TMEM184C: variants seen among roughly 807,000 people sequenced by gnomAD.
TMEM184C encodes the protein transmembrane protein 184C.
A neutral mutation model predicts 54.5 loss-of-function variants in TMEM184C; 25 were observed. That is an observed-to-expected ratio of 0.46 (90% CI 0.33 to 0.64). The LOEUF is 0.64. Ranked by LOEUF, TMEM184C falls within the 30% of genes least tolerant of loss-of-function variation. The pLI is 0.02. For synonymous variants in TMEM184C, 148 were observed against 181.5 expected, an observed-to-expected ratio of 0.82 and a Z score of 1.49; for missense variants, 335 against 520.3, an observed-to-expected ratio of 0.64 and a Z score of 3.46.
In TMEM184C at chr4:147,635,518, T is replaced by G. The variant is rs1342967032; in HGVS notation, c.*1084T>G. ...CTGGGTCATGTTTGACATTTTATAATGAAAATAAAACAGAAAGTGCCATAG... is the reference window on the plus strand; with the variant it reads ...CTGGGTCATGTTTGACATTTTATAAGGAAAATAAAACAGAAAGTGCCATAG... On this transcript the variant is annotated 3_prime_UTR_variant, in exon 10 of 10. Transcript: ENST00000296582. 1 of 152,112 alleles carries G rather than the reference T, an allele frequency of 6.6e-6. No homozygotes were observed. The highest frequency in any genetic ancestry group is 2.4e-5 in the African/African-American group (1 of 41,426). 9.4% of individuals were successfully genotyped at this position (152,112 alleles called of 1,614,324 possible). A position where few individuals can be genotyped will look rare whatever the true frequency, so the allele number is the denominator to read the frequency against.
chr4:147,618,189 TG>T lies in TMEM184C; in HGVS notation c.123+111del. The T allele has an allele frequency of 2.7e-6, 4 of 1,482,792 alleles. No individual in the cohort carries two copies. The South Asian group carries it at 4.7e-5, about 17-fold the overall frequency. 91.9% of individuals were successfully genotyped at this position (1,482,792 alleles called of 1,614,324 possible). A position where few individuals can be genotyped will look rare whatever the true frequency, so the allele number is the denominator to read the frequency against. ...CCTGACAGTCCTGAAAACCATCTAATGTAAACGAGCCTACTCTTAGGATATA... is the reference window on the plus strand; with the variant it reads ...CCTGACAGTCCTGAAAACCATCTAATTAAACGAGCCTACTCTTAGGATATA... On this transcript the variant is annotated intron_variant, in intron 1 of 9. Transcript: ENST00000296582.
Position 147,629,626 on chromosome 4 carries a change from C to T in TMEM184C, c.600C>T (p.Asp200=), listed in dbSNP as rs767218980. The change falls in exon 6 of 10, where the codon GAC becomes GAT. Residue 200 remains aspartate, a synonymous_variant. Transcript: ENST00000296582. ...ALICELLGIY[D]EGNFSFSNAW... is the part of the protein sequence containing the mutation. ...TCTGTGAGCTGCTTGGTATATATGACGAAGGGAACTTTAGCTTTTCAAATG... is the reference window on the plus strand; with the variant it reads ...TCTGTGAGCTGCTTGGTATATATGATGAAGGGAACTTTAGCTTTTCAAATG... The T allele has an allele frequency of 2.5e-5, 40 of 1,592,116 alleles. No individual in the cohort carries two copies. Among genetic ancestry groups the T allele is most frequent in the South Asian group, 3.5e-5 (3 of 86,090 alleles).
At chr4:147,631,700 G>A (rs1016377043) in intron 7 of TMEM184C, among the ~76,000 whole-genome samples, 195 bp downstream of exon 7, 2 of 152,070 alleles carry the variant, frequency 1.3e-5, no homozygotes, top group African/African-American at 2.4e-5. Context: ...ACATTTATAT[G>A]AAGAAAATAG....
chr4:147,628,501 G>A, intron 5 of TMEM184C, 66 bp downstream of exon 5: 1 of 1,314,488 alleles, frequency 7.6e-7, no homozygotes, highest in Non-Finnish European at 1.1e-6. Flanking sequence ...GAACAACTAA[G>A]TAGAAAACAT....
chr4:147,634,001 G>T, intron 9 of TMEM184C, 65 bp downstream of exon 9: 2 of 1,550,748 alleles, frequency 1.3e-6, no homozygotes, highest in Non-Finnish European at 1.7e-6. Context: ...TCCTACTAGG[G>T]CAATTTATTA....
At chr4:147,620,106 A>G (rs1362885945) in intron 1 of TMEM184C, among the ~76,000 whole-genome samples, 1 of 152,126 alleles carries the variant, frequency 6.6e-6, no homozygotes, top group African/African-American at 2.4e-5. Context: ...CGTAGATATT[A>G]TTCTCATTCC....
Position 147,623,826 on chromosome 4 carries a change from T to C in TMEM184C, c.124-8T>C. The C allele has an allele frequency of 6.2e-7, 1 of 1,612,752 alleles. No homozygotes were observed. Among genetic ancestry groups the C allele is most frequent in the Non-Finnish European group, 8.5e-7 (1 of 1,179,612 alleles). On this transcript the variant is annotated splice_region_variant and splice_polypyrimidine_tract_variant and intron_variant, in intron 1 of 9. Transcript: ENST00000296582. ...AATTTATATTAACATGTTATTTTGTTTCTTAAGGTTGGAATACACACCAAG... is the reference window on the plus strand; with the variant it reads ...AATTTATATTAACATGTTATTTTGTCTCTTAAGGTTGGAATACACACCAAG...
At chr4:147,624,753 A>G (rs778254521) in intron 3 of TMEM184C, 51 bp from the exon 4 acceptor site, 1 of 1,567,494 alleles carries the variant, frequency 6.4e-7, no homozygotes, top group East Asian at 2.3e-5. Context: ...TGGAGTGGTG[A>G]TTCATTTTAT....
chr4:147,620,773 T>G lies in TMEM184C; in HGVS notation c.123+2694T>G, dbSNP rs545706668. Among the ~76,000 whole-genome samples, 24 of 152,324 alleles carry G rather than the reference T, an allele frequency of 1.6e-4. 1 individual carries two copies. In the South Asian group the frequency reaches 4.8e-3, roughly 30 times the overall value. ...TAAATGGTGGTGCTAGTTACTGAGA[T>G]AGAAAATTGAGGGTTAGGAACAGGT... On this transcript the variant is annotated intron_variant, in intron 1 of 9. Transcript: ENST00000296582.
At chr4:147,619,284 G>A (rs901162015) in intron 1 of TMEM184C, among the ~76,000 whole-genome samples, 1 of 151,870 alleles carries the variant, frequency 6.6e-6, no homozygotes, top group Non-Finnish European at 1.5e-5. Flanking sequence ...TGCAACCTCT[G>A]CCTCCCAGGT....
At chr4:147,626,568 G>A (rs952456187) in intron 4 of TMEM184C, among the ~76,000 whole-genome samples, 1 of 152,160 alleles carries the variant, frequency 6.6e-6, no homozygotes, top group African/African-American at 2.4e-5. Flanking sequence ...ACAACGTCCT[G>A]ACAAATTTTG....
At chr4:147,619,310 G>A (rs1301634623) in intron 1 of TMEM184C, among the ~76,000 whole-genome samples, 1 of 152,012 alleles carries the variant, frequency 6.6e-6, no homozygotes, top group African/African-American at 2.4e-5. Flanking sequence ...CGATTCTCCT[G>A]CCTCAGCCTC....
Position 147,617,696 on chromosome 4 carries a change from A to T in TMEM184C, c.-261A>T. On this transcript the variant is annotated 5_prime_UTR_variant, in exon 1 of 10. Transcript: ENST00000296582. ...CTGCCTGGGATTCCACCGCAGTACA[A>T]CCGGGTAGATGCGGGGTGGAGAAGA... is the stretch of plus-strand genomic sequence containing the variant. The T allele has an allele frequency of 2.4e-6, 1 of 416,888 alleles. No homozygotes were observed. Among genetic ancestry groups the T allele is most frequent in the Non-Finnish European group, 4.5e-6 (1 of 220,610 alleles). 25.8% of individuals were successfully genotyped at this position (416,888 alleles called of 1,614,324 possible).
chr4:147,633,830 A>G lies in TMEM184C; in HGVS notation c.945A>G (p.Lys315=), dbSNP rs774958561. ...CTCATCATTACACATTCTCATATAAACCATATGTCCAAGAAGCAGAAGAGG... is the reference window on the plus strand; with the variant it reads ...CTCATCATTACACATTCTCATATAAGCCATATGTCCAAGAAGCAGAAGAGG... ...AIAHHYTFSY[K]PYVQEAEEGS... Residue 315 remains lysine, a synonymous_variant, in exon 9 of 10, where the codon AAA becomes AAG. Transcript: ENST00000296582. 6.2e-7 allele frequency: 1 copy of G among 1,613,800 alleles called. No homozygotes were observed. Among genetic ancestry groups the G allele is most frequent in the Non-Finnish European group, 8.5e-7 (1 of 1,179,952 alleles).
At position 147,617,942 on chromosome 4, in the gene TMEM184C, G is replaced by A. The variant is rs760023793; in HGVS notation, c.-15G>A. The A allele has an allele frequency of 2.5e-6, 4 of 1,613,962 alleles. No homozygotes were observed. The South Asian group carries it at 4.4e-5, about 18-fold the overall frequency. ...ATCTTTTCCCTTGCTAACCGGATCT[G>A]ATTTGTGCGAAAACATGCCTTGCAC... On this transcript the variant is annotated 5_prime_UTR_variant, in exon 1 of 10. Coordinates refer to ENST00000296582, the MANE Select transcript of TMEM184C (RefSeq NM_018241.3).
Position 147,633,791 on chromosome 4 carries a change from C to G in TMEM184C, c.906C>G (p.Phe302Leu), listed in dbSNP as rs1296604213. Residue 302 changes from phenylalanine to leucine, a missense_variant, in exon 9 of 10, where the codon TTC becomes TTG. Coordinates refer to ENST00000296582, the MANE Select transcript of TMEM184C (RefSeq NM_018241.3). ...LQDFIICIEM[F>L]LAAIAHHYTF... ...ATTTTATTATCTGTATTGAGATGTT[C>G]CTCGCTGCCATTGCTCATCATTACA... The G allele has an allele frequency of 5.0e-6, 8 of 1,606,874 alleles. No homozygotes were observed. The highest frequency in any genetic ancestry group is 6.8e-6 in the Non-Finnish European group (8 of 1,176,624).
chr4:147,634,042 C>A (rs1732963776), intron 9 of TMEM184C, 106 bp downstream of exon 9: 2 of 1,506,764 alleles, frequency 1.3e-6, no homozygotes, highest in Admixed American at 4.2e-5. Context: ...GACTTTAAAG[C>A]AGTACCACAG....
rs183985772 is a variant in TMEM184C, at chr4:147,628,990, A to G, written c.572+555A>G. Among the ~76,000 whole-genome samples the G allele has an allele frequency of 1.5e-3, 230 of 152,290 alleles. 1 individual carries two copies. Among genetic ancestry groups the G allele is most frequent in the African/African-American group, 4.2e-3 (175 of 41,570 alleles). Reference sequence around the variant, plus strand: ...CTCCTAGTTGTTACTAACATTTTGCATGCTCACAGAGGAAAAGTGGAAAGA... The same window carrying G: ...CTCCTAGTTGTTACTAACATTTTGCGTGCTCACAGAGGAAAAGTGGAAAGA... On this transcript the variant is annotated intron_variant, in intron 5 of 9. Coordinates refer to ENST00000296582, the MANE Select transcript of TMEM184C (RefSeq NM_018241.3).
intron 6 of TMEM184C, among the ~76,000 whole-genome samples, chr4:147,631,050 A>T (rs1026383731): frequency 9.2e-5 from 14 of 152,128 alleles, no homozygotes; most frequent in African/African-American, 3.4e-4. Flanking sequence ...AAGCCTCATA[A>T]AATGAGTGGT....
Sources: allele counts gnomAD v4.1 joint callset (sites outside exome capture counted in the v4.1 genomes callset), GRCh38; gene constraint gnomAD v4.1.1; transcripts MANE v1.5; gene names NCBI Gene and HGNC (gene_info 2026-07-23, HGNC 2026-07-21).